SLC8A3: variants seen among roughly 807,000 people sequenced by gnomAD.
The protein encoded by SLC8A3 is solute carrier family 8 member A3, also known as sodium/calcium exchanger 3.
A neutral mutation model predicts 65.4 loss-of-function variants in SLC8A3; 37 were observed. The observed-to-expected ratio is 0.57, with a 90% CI of 0.44 to 0.74. The LOEUF (loss-of-function observed/expected upper bound fraction) is 0.74, where lower values mean the gene tolerates loss of function less well. Among genes scored for constraint, SLC8A3 ranks in the 30% least tolerant of loss-of-function variants. The pLI is 0.00. For missense variants in SLC8A3, 1,112 were observed against 1,172.1 expected (o/e 0.95, Z 0.75); for synonymous variants, 461 against 444.5 (o/e 1.04, Z -0.47).
intron 2 of SLC8A3, among the ~76,000 whole-genome samples, chr14:70,116,332 T>C (rs986900335): frequency 1.3e-5 from 2 of 151,372 alleles, no homozygotes; most frequent in Non-Finnish European, 2.9e-5. Flanking sequence ...TGTGTGTGTG[T>C]GTGTGTGTGT....
chr14:70,133,221 T>C (rs1369059211), intron 2 of SLC8A3, among the ~76,000 whole-genome samples: 4 of 152,012 alleles, frequency 2.6e-5, no homozygotes, highest in Non-Finnish European at 5.9e-5. Flanking sequence ...AATGAGGCCT[T>C]GAAAGAAAAG....
At chr14:70,153,880 T>C (rs1361920124) in intron 2 of SLC8A3, among the ~76,000 whole-genome samples, 1 of 152,208 alleles carries the variant, frequency 6.6e-6, no homozygotes, top group Non-Finnish European at 1.5e-5. Flanking sequence ...TCCCCTGATC[T>C]GAAAACATGG....
intron 2 of SLC8A3, among the ~76,000 whole-genome samples, chr14:70,130,955 T>C (rs771582832): frequency 6.6e-5 from 10 of 152,106 alleles, no homozygotes; most frequent in Admixed American, 2.6e-4. Flanking sequence ...CTTCACAATA[T>C]AGAAATTGTG....
chr14:70,057,317 G>GATAGATAT (rs1230338377), intron 3 of SLC8A3, among the ~76,000 whole-genome samples: 1 of 152,160 alleles, frequency 6.6e-6, no homozygotes. Flanking sequence ...TAGATAGATA[G>GATAGATAT]ATAGATAGAT....
At chr14:70,093,693 C>T (rs1891955715) in intron 2 of SLC8A3, among the ~76,000 whole-genome samples, 1 of 152,178 alleles carries the variant, frequency 6.6e-6, no homozygotes, top group African/African-American at 2.4e-5. Context: ...GGTGAGCCTT[C>T]CCAATTCTGA....
chr14:70,142,230 A>G (rs1476130364), intron 2 of SLC8A3, among the ~76,000 whole-genome samples: 1 of 152,250 alleles, frequency 6.6e-6, no homozygotes, highest in Non-Finnish European at 1.5e-5. Flanking sequence ...TCTCCCAGAC[A>G]GTCTGCCCTG....
At position 70,046,165 on chromosome 14, in the gene SLC8A3, C is replaced by G. The variant is rs369443101; in HGVS notation, c.2548G>C (p.Val850Leu). 1 of 1,614,064 alleles carries G rather than the reference C, an allele frequency of 6.2e-7. No homozygotes were observed. The highest frequency in any genetic ancestry group is 8.5e-7 in the Non-Finnish European group (1 of 1,180,030). ...GAGAAGGCCAGTGTGCCGGCCGACA[C>G]GTGGAACTCCTGTCCCTGCAGAGCC... ...YWALQGQEFH[V>L]SAGTLAFSVT... Residue 850 changes from valine (V) to leucine (L), a missense_variant, in exon 7 of 7, where the codon GTG becomes CTG. By Grantham distance (32) the Val-to-Leu change is conservative. Coordinates refer to ENST00000356921, the MANE Select transcript of SLC8A3 (RefSeq NM_182932.3). This position sits in a 1 kb window ranked among gnomAD's most constrained non-coding sequence, Gnocchi z 4.2.
At chr14:70,177,987 A>G (rs1351087565) in intron 1 of SLC8A3, among the ~76,000 whole-genome samples, 1 of 152,176 alleles carries the variant, frequency 6.6e-6, no homozygotes, top group Admixed American at 6.5e-5. Context: ...TGGGGAAGGC[A>G]TGGATTTCAG....
At chr14:70,153,102 A>T (rs1406166217) in intron 2 of SLC8A3, among the ~76,000 whole-genome samples, 1 of 152,118 alleles carries the variant, frequency 6.6e-6, no homozygotes, top group African/African-American at 2.4e-5. Context: ...AGGGCTGAAG[A>T]ATGCAAAATG....
chr14:70,141,057 G>A (rs970580196), intron 2 of SLC8A3, among the ~76,000 whole-genome samples: 1 of 152,188 alleles, frequency 6.6e-6, no homozygotes, highest in Admixed American at 6.5e-5. Context: ...AGAGGATAAT[G>A]GTCATAATAC....
At chr14:70,053,722 T>C (rs1377600920) in intron 3 of SLC8A3, among the ~76,000 whole-genome samples, 1 of 152,246 alleles carries the variant, frequency 6.6e-6, no homozygotes, top group Admixed American at 6.5e-5. Context: ...CAGTCAGTTT[T>C]TCCATCTAGC....
rs544266250 is a variant in SLC8A3, at chr14:70,184,899, T to C, written c.-63+3480A>G. Among the ~76,000 whole-genome samples, 8 of 152,336 alleles carry C rather than the reference T, an allele frequency of 5.3e-5. No individual in the cohort carries two copies. The East Asian group carries it at 1.5e-3, about 29-fold the overall frequency. On this transcript the variant is annotated intron_variant, in intron 1 of 6. Coordinates refer to ENST00000356921, the MANE Select transcript of SLC8A3 (RefSeq NM_182932.3). Reference sequence around the variant, plus strand: ...ATGTTTTTCTGAGCCTCAGCACGTATTTGAACCTCTTAGGCAAAGCAACCA... The same window carrying C: ...ATGTTTTTCTGAGCCTCAGCACGTACTTGAACCTCTTAGGCAAAGCAACCA...
At chr14:70,170,539 G>C (rs1369070070) in intron 1 of SLC8A3, among the ~76,000 whole-genome samples, 1 of 152,186 alleles carries the variant, frequency 6.6e-6, no homozygotes, top group Non-Finnish European at 1.5e-5. Flanking sequence ...ATGAATAAAT[G>C]TAGTCACCAA....
At position 70,166,894 on chromosome 14, in the gene SLC8A3, C is replaced by T. The variant is rs773421434; in HGVS notation, c.1529G>A (p.Arg510Gln). 3.2e-5 allele frequency: 51 copies of T among 1,613,998 alleles called. 1 individual carries two copies. In the Admixed American group the frequency reaches 4.2e-4, roughly 13 times the overall value. ...CACACAAGGGGAGGCTAGGACAGCC[C>T]GAGGCAAGGGAAGACTGTTGAATAT... Reference protein sequence around the residue: ...PAIFNSLPLPRAVLASPCVAT... With the variant: ...PAIFNSLPLPQAVLASPCVAT... Residue 510 changes from arginine to glutamine, a missense_variant, in exon 2 of 7, where the codon CGG becomes CAG. By Grantham distance (43) the Arg-to-Gln change is conservative. Transcript: ENST00000356921.
At chr14:70,155,772 C>G (rs10483827) in intron 2 of SLC8A3, among the ~76,000 whole-genome samples, 5,154 of 152,296 alleles carry the variant, frequency 0.034, 301 homozygotes, top group African/African-American at 0.12. Flanking sequence ...ACGGAGTTAC[C>G]ATCATCAAAA....
intron 1 of SLC8A3, among the ~76,000 whole-genome samples, chr14:70,180,995 A>G (rs1882702335): frequency 2.0e-5 from 3 of 152,346 alleles, no homozygotes; most frequent in South Asian, 4.1e-4. Flanking sequence ...GAAATGAAAG[A>G]TACAGTCAGC....
chr14:70,143,760 T>G (rs1895722634), intron 2 of SLC8A3, among the ~76,000 whole-genome samples: 1 of 152,200 alleles, frequency 6.6e-6, no homozygotes, highest in Non-Finnish European at 1.5e-5. Context: ...CTGCTGGTTT[T>G]GGTGCTTCTG....
At chr14:70,159,552 T>C (rs1467689) in intron 2 of SLC8A3, among the ~76,000 whole-genome samples, 152,204 of 152,308 alleles carry the variant, frequency 1, 76,051 homozygotes, top group East Asian at 1. Flanking sequence ...GGAATGAGTG[T>C]TCATGTCCCA....
chr14:70,131,732 T>C (rs114699594), intron 2 of SLC8A3, among the ~76,000 whole-genome samples: 1 of 152,276 alleles, frequency 6.6e-6, no homozygotes, highest in African/African-American at 2.4e-5. Context: ...TCTATAAGTG[T>C]TTAGGAAGAC....
Sources: allele counts gnomAD v4.1 joint callset (sites outside exome capture counted in the v4.1 genomes callset), GRCh38; gene constraint gnomAD v4.1.1; non-coding constraint Gnocchi (gnomAD v3.1); transcripts MANE v1.5; gene names NCBI Gene and HGNC (gene_info 2026-07-23, HGNC 2026-07-21).